Variants in RBKS observed in about 807,000 individuals in gnomAD.
RBKS encodes ribokinase.
RBKS carries 33 observed loss-of-function variants against 33.9 expected under a neutral mutation model. That is an observed-to-expected ratio of 0.97 (90% CI 0.74 to 1.30). The LOEUF (loss-of-function observed/expected upper bound fraction) is 1.30. Ranked by LOEUF, RBKS falls within the 50% of genes most tolerant of loss-of-function variation. The pLI, the probability that RBKS is intolerant of heterozygous loss-of-function variation, is 0.00. For missense variants in RBKS, 361 were observed against 392.6 expected, an observed-to-expected ratio of 0.92 and a Z score of 0.68; for synonymous variants, 125 against 143.0, an observed-to-expected ratio of 0.87 and a Z score of 0.90.
intron 7 of RBKS, among the ~76,000 whole-genome samples, chr2:27,824,265 TAACTC>T (rs1202284877): frequency 6.6e-6 from 1 of 152,218 alleles, no homozygotes; most frequent in Non-Finnish European, 1.5e-5. Flanking sequence ...TTAACATAAA[TAACTC>T]AGTGCATTTA....
intron 6 of RBKS, among the ~76,000 whole-genome samples, chr2:27,830,909 G>A (rs888216710): frequency 3.3e-5 from 5 of 152,204 alleles, no homozygotes; most frequent in Middle Eastern, 6.8e-3. Flanking sequence ...TCCTTCTCAC[G>A]GGAAGCTGGA....
At chr2:27,814,190 C>T (rs1678044615) in intron 7 of RBKS, among the ~76,000 whole-genome samples, 1 of 152,106 alleles carries the variant, frequency 6.6e-6, no homozygotes, top group Admixed American at 6.6e-5. Context: ...CACTGCACTC[C>T]AGCATGGGTG....
In RBKS at chr2:27,843,332, A is replaced by G. The variant is rs190134904; in HGVS notation, c.350-101T>C. On this transcript the variant is annotated intron_variant, in intron 4 of 7. Coordinates refer to ENST00000302188, the MANE Select transcript of RBKS (RefSeq NM_022128.3). ...AATCGCCCTTGTAAAGTCATTATAC[A>G]AAATGTGTTATTAAGTATTAATTTT... 5 of 843,224 alleles carry G rather than the reference A, an allele frequency of 5.9e-6. No individual in the cohort carries two copies. In the East Asian group the frequency reaches 1.4e-4, roughly 23 times the overall value. The allele number at this position is 843,224 out of a possible 1,614,324, so 52.2% of individuals were successfully genotyped here. A position where few individuals can be genotyped will look rare whatever the true frequency, so the allele number is the denominator to read the frequency against.
intron 2 of RBKS, among the ~76,000 whole-genome samples, chr2:27,851,519 A>G (rs1206624433): frequency 6.6e-6 from 1 of 151,288 alleles, no homozygotes; most frequent in Non-Finnish European, 1.5e-5. Flanking sequence ...GTCATGTTCC[A>G]TTCTTTTTTT....
chr2:27,816,397 C>A (rs1678093265), intron 7 of RBKS, among the ~76,000 whole-genome samples: 1 of 152,124 alleles, frequency 6.6e-6, no homozygotes, highest in African/African-American at 2.4e-5. Flanking sequence ...CAGTGAACAA[C>A]TTTTTGTCTT....
chr2:27,786,526 TA>T (rs1290174009), intron 7 of RBKS, among the ~76,000 whole-genome samples: 2 of 152,184 alleles, frequency 1.3e-5, no homozygotes, highest in Admixed American at 1.3e-4. Context: ...CTCATGCCTA[TA>T]ATACCAGCAC....
At chr2:27,831,429 G>A (rs1261463032) in intron 6 of RBKS, among the ~76,000 whole-genome samples, 1 of 152,036 alleles carries the variant, frequency 6.6e-6, no homozygotes, top group African/African-American at 2.4e-5. Context: ...GGCAGTTGAG[G>A]GTACTCTAAC....
At chr2:27,808,514 G>C (rs1677934104) in intron 7 of RBKS, among the ~76,000 whole-genome samples, 1 of 152,178 alleles carries the variant, frequency 6.6e-6, no homozygotes, top group South Asian at 2.1e-4. Context: ...TGGTTGTGGT[G>C]CTCAACCTAC....
At chr2:27,790,128 C>G (rs941268240) in intron 7 of RBKS, among the ~76,000 whole-genome samples, 2 of 151,704 alleles carry the variant, frequency 1.3e-5, no homozygotes, top group African/African-American at 4.8e-5. Context: ...AGGGATGACA[C>G]TGCACCTGGC....
chr2:27,796,672 G>T (rs1677673068), intron 7 of RBKS, among the ~76,000 whole-genome samples: 1 of 152,134 alleles, frequency 6.6e-6, no homozygotes. Context: ...TGCCGGTGGG[G>T]AGGGTTGAGG....
At chr2:27,884,613 A>T (rs920338313) in intron 1 of RBKS, among the ~76,000 whole-genome samples, 2 of 152,128 alleles carry the variant, frequency 1.3e-5, no homozygotes, top group African/African-American at 4.8e-5. Context: ...AAAGCTTCTA[A>T]ATTCACTTAT....
rs935209190 is a variant in RBKS at position 27,865,563 on chromosome 2, T to G, written c.90-6992A>C. Among the ~76,000 whole-genome samples, 22 of 137,916 alleles carry G rather than the reference T, an allele frequency of 1.6e-4. No homozygotes were observed. The Admixed American group carries it at 1.8e-3, about 11-fold the overall frequency. The allele number at this position is 137,916 out of a possible 152,430, so 90.5% of individuals were successfully genotyped here. Reference sequence around the variant, plus strand: ...GTGTGTTATATTCTACCTTCCCTTCTCCTCCTCCTTTTTTTTTTTTTTTTT... The same window carrying G: ...GTGTGTTATATTCTACCTTCCCTTCGCCTCCTCCTTTTTTTTTTTTTTTTT... On this transcript the variant is annotated intron_variant, in intron 1 of 7. Transcript: ENST00000302188.
At chr2:27,851,592 G>A (rs1012307678) in intron 2 of RBKS, among the ~76,000 whole-genome samples, 7 of 151,906 alleles carry the variant, frequency 4.6e-5, no homozygotes, top group Non-Finnish European at 1.0e-4. Context: ...AAGCTGGAGT[G>A]CAATGGTGCG....
chr2:27,882,670 A>G (rs754547416), intron 1 of RBKS, among the ~76,000 whole-genome samples: 1 of 152,250 alleles, frequency 6.6e-6, no homozygotes, highest in Non-Finnish European at 1.5e-5. Flanking sequence ...AAGACATGGA[A>G]TCAACCTAAA....
intron 5 of RBKS, among the ~76,000 whole-genome samples, chr2:27,835,946 T>A (rs1214219953): frequency 6.6e-6 from 1 of 152,100 alleles, no homozygotes; most frequent in Non-Finnish European, 1.5e-5. Context: ...CCGGGCACAG[T>A]GGCTCATGCC....
At chr2:27,782,889 A>G (rs562497511) in intron 7 of RBKS, among the ~76,000 whole-genome samples, 51 of 152,172 alleles carry the variant, frequency 3.4e-4, no homozygotes, top group African/African-American at 1.2e-3. Flanking sequence ...TCTATGCTCT[A>G]TCTCCTTAAG....
chr2:27,799,358 C>A (rs1573036501), intron 7 of RBKS, among the ~76,000 whole-genome samples: 1 of 152,206 alleles, frequency 6.6e-6, no homozygotes, highest in East Asian at 1.9e-4. Flanking sequence ...CGTACCCACG[C>A]TGAATGAGTC....
chr2:27,848,806 A>G (rs1663674204), intron 2 of RBKS, among the ~76,000 whole-genome samples: 1 of 150,326 alleles, frequency 6.7e-6, no homozygotes, highest in Non-Finnish European at 1.5e-5. Context: ...ACACCACTGC[A>G]CTATAGTCTG....
chr2:27,790,481 A>G (rs951172666), intron 7 of RBKS, among the ~76,000 whole-genome samples: 4 of 152,230 alleles, frequency 2.6e-5, no homozygotes, highest in African/African-American at 9.6e-5. Flanking sequence ...TGCCCTTCAA[A>G]AGAATATCAA....
Sources: gnomAD v4.1 joint callset for allele counts (sites outside exome capture counted in the v4.1 genomes callset) on GRCh38, gnomAD v4.1.1 for gene constraint, MANE v1.5 for transcripts, NCBI Gene and HGNC (gene_info 2026-07-23, HGNC 2026-07-21) for gene names.